PPP2R2B: variants seen among roughly 807,000 people sequenced by gnomAD.
The protein encoded by PPP2R2B is serine/threonine-protein phosphatase 2A 55 kDa regulatory subunit B beta isoform.
PPP2R2B carries 5 observed loss-of-function variants against 46.0 expected under a neutral mutation model. The observed-to-expected ratio is 0.11, with a 90% CI of 0.06 to 0.23. The LOEUF is 0.23. PPP2R2B is among the 10% of genes least tolerant of loss of function. The pLI is 1.00. For missense variants in PPP2R2B, 367 were observed against 575.0 expected (o/e 0.64, Z 3.70); for synonymous variants, 215 against 206.7 (o/e 1.04, Z -0.34).
intron 6 of PPP2R2B, among the ~76,000 whole-genome samples, chr5:146,645,531 C>G (rs531799210): frequency 6.6e-6 from 1 of 152,152 alleles, no homozygotes; most frequent in Non-Finnish European, 1.5e-5. Context: ...CCACAGTTCC[C>G]CTGGAAGCCT....
intron 2 of PPP2R2B, among the ~76,000 whole-genome samples, chr5:146,870,497 A>G (rs1761553779): frequency 6.6e-6 from 1 of 152,178 alleles, no homozygotes; most frequent in Non-Finnish European, 1.5e-5. Flanking sequence ...CCAGAAACCA[A>G]CCATGCTGGC....
At chr5:146,835,245 T>C (rs1487416354) in intron 2 of PPP2R2B, among the ~76,000 whole-genome samples, 1 of 151,928 alleles carries the variant, frequency 6.6e-6, no homozygotes, top group East Asian at 2.0e-4. Flanking sequence ...AACAATGTAT[T>C]ATATTGTTTT....
intron 2 of PPP2R2B, among the ~76,000 whole-genome samples, chr5:146,787,306 G>A (rs1425628969): frequency 6.6e-6 from 1 of 152,206 alleles, no homozygotes; most frequent in Non-Finnish European, 1.5e-5. Context: ...TGGTCATGAA[G>A]GTTGTATGTA....
At chr5:146,912,789 G>A (rs574729781) in intron 1 of PPP2R2B, among the ~76,000 whole-genome samples, 4 of 152,080 alleles carry the variant, frequency 2.6e-5, no homozygotes, top group Non-Finnish European at 5.9e-5. Flanking sequence ...TTACAGACGT[G>A]AGCCACCGCA....
In PPP2R2B at chr5:147,071,380, G is replaced by A. The variant is rs1050389904; in HGVS notation, c.50+9679C>T. Among the ~76,000 whole-genome samples the A allele has an allele frequency of 5.3e-5, 8 of 152,290 alleles. No homozygotes were observed. The South Asian group carries it at 8.3e-4, about 16-fold the overall frequency. On this transcript the variant is annotated intron_variant, in intron 2 of 10. Transcript: ENST00000394413. ...TAATTGAGCTGCTGCTAGAAAGAGC[G>A]TTTTTCAACTAGTGGCTCTCTATTT...
Position 146,703,836 on chromosome 5 carries a change from G to C in PPP2R2B, c.71-2694C>G, listed in dbSNP as rs556895897. Reference sequence around the variant, plus strand: ...CAAATATTTCCTTTGTTTTCCAAGTGTTATTATTTTGCAATGCTATGTCTC... The same window carrying C: ...CAAATATTTCCTTTGTTTTCCAAGTCTTATTATTTTGCAATGCTATGTCTC... On this transcript the variant is annotated intron_variant, in intron 2 of 9. Transcript: ENST00000394411. Among the ~76,000 whole-genome samples the C allele has an allele frequency of 2.7e-4, 41 of 152,270 alleles. 1 individual carries two copies. In the South Asian group the frequency reaches 8.1e-3, roughly 30 times the overall value.
At chr5:146,660,343 G>A (rs1030003496) in intron 5 of PPP2R2B, among the ~76,000 whole-genome samples, 1 of 151,974 alleles carries the variant, frequency 6.6e-6, no homozygotes, top group African/African-American at 2.4e-5. Context: ...TTTTAAAAAC[G>A]TGAAAAGAAG....
chr5:146,972,547 A>G (rs547845001), intron 1 of PPP2R2B, among the ~76,000 whole-genome samples: 1 of 152,206 alleles, frequency 6.6e-6, no homozygotes, highest in East Asian at 1.9e-4. Context: ...CCCCGTCTCT[A>G]CTAAAAATAC....
chr5:146,722,743 T>C (rs1751606027), intron 2 of PPP2R2B, among the ~76,000 whole-genome samples: 1 of 152,208 alleles, frequency 6.6e-6, no homozygotes. Flanking sequence ...TGTTGCACAA[T>C]CAGGTTAGTG....
intron 2 of PPP2R2B, among the ~76,000 whole-genome samples, chr5:146,764,987 A>G (rs1561888535): frequency 6.6e-6 from 1 of 152,176 alleles, no homozygotes; most frequent in African/African-American, 2.4e-5. Flanking sequence ...AAGAGTTAAT[A>G]AGGCCAATAA....
intron 2 of PPP2R2B, among the ~76,000 whole-genome samples, chr5:147,066,225 T>C (rs1306328361): frequency 6.6e-6 from 1 of 152,198 alleles, no homozygotes; most frequent in East Asian, 1.9e-4. Context: ...AAAATCTAGG[T>C]ATTGGAATAT....
chr5:146,730,555 G>T (rs1752164914), intron 2 of PPP2R2B, among the ~76,000 whole-genome samples: 1 of 152,130 alleles, frequency 6.6e-6, no homozygotes, highest in Non-Finnish European at 1.5e-5. Flanking sequence ...ACATGTTGTG[G>T]GAGGGACCCA....
At chr5:146,648,124 A>G (rs1198254288) in intron 6 of PPP2R2B, among the ~76,000 whole-genome samples, 2 of 152,202 alleles carry the variant, frequency 1.3e-5, no homozygotes, top group African/African-American at 4.8e-5. Flanking sequence ...CTTGCAGTTA[A>G]GAGTTAGCCA....
At chr5:146,615,705 A>C (rs1411332205) in intron 7 of PPP2R2B, among the ~76,000 whole-genome samples, 1 of 152,016 alleles carries the variant, frequency 6.6e-6, no homozygotes, top group East Asian at 1.9e-4. Context: ...AAAGGTCTCT[A>C]CAATGAAAAT....
intron 2 of PPP2R2B, among the ~76,000 whole-genome samples, chr5:146,744,896 T>C (rs958640580): frequency 1.3e-5 from 2 of 152,222 alleles, no homozygotes; most frequent in Admixed American, 1.3e-4. Context: ...TCAGGGCCTC[T>C]GGGGGTGGCC....
At chr5:146,758,605 C>T (rs1753976375) in intron 2 of PPP2R2B, among the ~76,000 whole-genome samples, 1 of 152,130 alleles carries the variant, frequency 6.6e-6, no homozygotes, top group Non-Finnish European at 1.5e-5. Flanking sequence ...TGAGACGCCA[C>T]AAACTTTGTC....
intron 9 of PPP2R2B, chr5:146,592,095 G>A: frequency 2.3e-6 from 1 of 438,002 alleles, no homozygotes; most frequent in Non-Finnish European, 4.6e-6. Context: ...TTTTCCCATG[G>A]TGGATTTTGT....
At chr5:146,652,591 C>A (rs1225077219) in intron 5 of PPP2R2B, among the ~76,000 whole-genome samples, 2 of 152,054 alleles carry the variant, frequency 1.3e-5, no homozygotes, top group Non-Finnish European at 2.9e-5. Flanking sequence ...GGGATTTAAC[C>A]AGGCCAGGAG....
intron 4 of PPP2R2B, among the ~76,000 whole-genome samples, chr5:146,693,787 C>T (rs560623256): frequency 5.4e-4 from 82 of 152,272 alleles, no homozygotes; most frequent in African/African-American, 1.7e-3. Context: ...AATAATGGTC[C>T]GCAAATGACA....
Sources: gnomAD v4.1 joint callset for allele counts (sites outside exome capture counted in the v4.1 genomes callset) on GRCh38, gnomAD v4.1.1 for gene constraint, MANE v1.5 for transcripts, NCBI Gene and HGNC (gene_info 2026-07-23, HGNC 2026-07-21) for gene names.